HECW1: variants seen among roughly 807,000 people sequenced by gnomAD.
The protein encoded by HECW1 is HECT, C2 and WW domain containing E3 ubiquitin protein ligase 1.
Under a neutral mutation model 182.3 loss-of-function variants are expected in HECW1, and 61 were observed. The ratio of observed to expected loss-of-function variants is 0.33; its 90% CI spans 0.27 to 0.41. The LOEUF is 0.41. Ranked by LOEUF, HECW1 falls within the 10% of genes least tolerant of loss-of-function variation. The pLI, the probability that HECW1 is intolerant of heterozygous loss-of-function variation, is 1.00. For missense variants in HECW1, 1,739 were observed against 2,108.9 expected, an observed-to-expected ratio of 0.82 and a Z score of 3.44; for synonymous variants, 859 against 832.6, an observed-to-expected ratio of 1.03 and a Z score of -0.55.
chr7:43,518,738 A>G (rs1345649587), intron 24 of HECW1, among the ~76,000 whole-genome samples: 1 of 152,218 alleles, frequency 6.6e-6, no homozygotes, highest in East Asian at 1.9e-4. Flanking sequence ...AACAAATTCA[A>G]ATGATTGATA....
rs1219609387 is a variant in HECW1, at chr7:43,336,016, CTT to C, written c.460+15276_460+15277del. 3.8e-3 allele frequency among the ~76,000 whole-genome samples: 329 copies of C among 87,182 alleles called. 2 individuals carry two copies. Among genetic ancestry groups the C allele is most frequent in the African/African-American group, 0.021 (302 of 14,618 alleles). The allele number at this position is 87,182 out of a possible 152,430, so 57.2% of individuals were successfully genotyped here. On this transcript the variant is annotated intron_variant, in intron 5 of 29. Transcript: ENST00000395891. ...CTCTCCTTCCTTCCTTTCTCTTTCT[CTT>C]TCTTTCTTTTTCTTTCTTTCTCTCT...
At chr7:43,342,889 A>G (rs560633632) in intron 5 of HECW1, among the ~76,000 whole-genome samples, 1 of 151,630 alleles carries the variant, frequency 6.6e-6, no homozygotes, top group East Asian at 1.9e-4. Flanking sequence ...AGCTGGTCGT[A>G]GTGGCAGGCA....
At chr7:43,385,583 T>C (rs1219755692) in intron 6 of HECW1, among the ~76,000 whole-genome samples, 1 of 151,870 alleles carries the variant, frequency 6.6e-6, no homozygotes, top group African/African-American at 2.4e-5. Flanking sequence ...GGTAAGGGGC[T>C]GATCTCCATG....
At chr7:43,192,921 T>A (rs564468727) in intron 2 of HECW1, among the ~76,000 whole-genome samples, 7 of 152,162 alleles carry the variant, frequency 4.6e-5, no homozygotes, top group Non-Finnish European at 1.0e-4. Context: ...AGTAAAGTCA[T>A]AAAAGGGTGG....
At chr7:43,300,838 G>A (rs1027503352) in intron 3 of HECW1, among the ~76,000 whole-genome samples, 4 of 152,124 alleles carry the variant, frequency 2.6e-5, no homozygotes, top group African/African-American at 9.7e-5. Flanking sequence ...GGAAAAGCAG[G>A]TACGATGACC....
At chr7:43,560,990 T>C (rs766325987) in intron 29 of HECW1, among the ~76,000 whole-genome samples, 1 of 152,224 alleles carries the variant, frequency 6.6e-6, no homozygotes, top group Non-Finnish European at 1.5e-5. Context: ...AGCCAAAGTT[T>C]CTGTAAAAAC....
intron 3 of HECW1, among the ~76,000 whole-genome samples, chr7:43,247,975 AAAGAAGGAAGG>A (rs1397663823): frequency 8.4e-4 from 76 of 90,798 alleles, no homozygotes; most frequent in Admixed American, 3.4e-3. Flanking sequence ...AAGAGAAAGG[AAAGAAGGAAGG>A]AAGAAGGAAG....
intron 3 of HECW1, among the ~76,000 whole-genome samples, chr7:43,267,847 A>G (rs1438568956): frequency 6.6e-6 from 1 of 152,216 alleles, no homozygotes; most frequent in Non-Finnish European, 1.5e-5. Context: ...TTAGAAAATT[A>G]CCATACTTAA....
At chr7:43,342,298 C>G (rs1442699295) in intron 5 of HECW1, among the ~76,000 whole-genome samples, 1 of 151,796 alleles carries the variant, frequency 6.6e-6, no homozygotes, top group Non-Finnish European at 1.5e-5. Context: ...GGAAACCCTT[C>G]ACCCTTCCTT....
intron 2 of HECW1, among the ~76,000 whole-genome samples, chr7:43,205,119 T>C (rs1471797192): frequency 1.3e-5 from 2 of 151,902 alleles, no homozygotes; most frequent in Non-Finnish European, 2.9e-5. Flanking sequence ...AGTCTCGCAC[T>C]ATTGCCCGGG....
chr7:43,424,206 C>A (rs1334889554), intron 8 of HECW1, among the ~76,000 whole-genome samples: 2 of 152,136 alleles, frequency 1.3e-5, no homozygotes, highest in Non-Finnish European at 2.9e-5. Context: ...GCTTGTCTTG[C>A]TGGAAGAAAA....
At chr7:43,135,979 C>CTTTTTTTTTTT (rs34511113) in intron 2 of HECW1, among the ~76,000 whole-genome samples, 1 of 143,568 alleles carries the variant, frequency 7.0e-6, no homozygotes, top group African/African-American at 2.5e-5. Flanking sequence ...ACCATTTACA[C>CTTTTTTTTTTT]TTTTTTTTTT....
At chr7:43,140,085 A>C (rs77463379) in intron 2 of HECW1, among the ~76,000 whole-genome samples, 7,293 of 151,910 alleles carry the variant, frequency 0.048, 245 homozygotes, top group East Asian at 0.13. Context: ...TTTATTGTTA[A>C]ATTTATACTT....
intron 2 of HECW1, among the ~76,000 whole-genome samples, chr7:43,179,599 G>A (rs1360165985): frequency 1.3e-5 from 2 of 151,992 alleles, no homozygotes; most frequent in African/African-American, 4.8e-5. Flanking sequence ...TGCTGAGACA[G>A]CAAATACATC....
At chr7:43,381,626 T>G (rs1015123807) in intron 6 of HECW1, among the ~76,000 whole-genome samples, 1 of 151,868 alleles carries the variant, frequency 6.6e-6, no homozygotes, top group African/African-American at 2.4e-5. Flanking sequence ...AGTAACCAAT[T>G]CTCTCTCCTG....
At chr7:43,400,030 G>A (rs1316565385) in intron 7 of HECW1, among the ~76,000 whole-genome samples, 1 of 152,146 alleles carries the variant, frequency 6.6e-6, no homozygotes, top group Non-Finnish European at 1.5e-5. Flanking sequence ...GAGCCCAGGA[G>A]TTTGAGACCA....
chr7:43,285,223 T>C (rs113434284), intron 3 of HECW1, among the ~76,000 whole-genome samples: 89 of 152,238 alleles, frequency 5.8e-4, no homozygotes, highest in African/African-American at 2.1e-3. Context: ...TGGGATTAGA[T>C]ATGTAGACAA....
chr7:43,334,166 T>G (rs1811838970), intron 5 of HECW1, among the ~76,000 whole-genome samples: 1 of 152,220 alleles, frequency 6.6e-6, no homozygotes, highest in East Asian at 1.9e-4. Flanking sequence ...GAACATTGTG[T>G]GTGCCTTCCT....
chr7:43,383,062 G>A (rs1419220782), intron 6 of HECW1, among the ~76,000 whole-genome samples: 1 of 152,174 alleles, frequency 6.6e-6, no homozygotes, highest in Admixed American at 6.5e-5. Context: ...TTAGTTTACT[G>A]AGAACAATGG....
Sources: gnomAD v4.1 joint callset for allele counts (sites outside exome capture counted in the v4.1 genomes callset) on GRCh38, gnomAD v4.1.1 for gene constraint, MANE v1.5 for transcripts, NCBI Gene and HGNC (gene_info 2026-07-23, HGNC 2026-07-21) for gene names.